Variants in FNTB observed in about 807,000 individuals in gnomAD.
FNTB encodes farnesyltransferase, CAAX box, subunit beta.
In FNTB, 27 loss-of-function variants were observed where a neutral mutation model predicts 59.4. The observed-to-expected ratio is 0.45, with a 90% CI of 0.34 to 0.63. FNTB has a LOEUF of 0.63. FNTB is among the 20% of genes least tolerant of loss of function. The pLI is 0.02. For synonymous variants in FNTB, 230 were observed against 220.7 expected, an observed-to-expected ratio of 1.04 and a Z score of -0.37; for missense variants, 449 against 559.6, an observed-to-expected ratio of 0.80 and a Z score of 1.99.
chr14:65,021,320 T>C (rs892544274), intron 4 of FNTB, among the ~76,000 whole-genome samples: 6 of 152,244 alleles, frequency 3.9e-5, no homozygotes, highest in African/African-American at 1.4e-4. Flanking sequence ...TTTCAGCTTG[T>C]AAGATTTTTC....
rs888646693 is a variant in FNTB at position 64,997,353 on chromosome 14, A to G, written c.145-6896A>G. 3.4e-4 allele frequency among the ~76,000 whole-genome samples: 52 copies of G among 152,154 alleles called. No homozygotes were observed. The highest frequency in any genetic ancestry group is 1.1e-3 in the African/African-American group (47 of 41,434). On this transcript the variant is annotated intron_variant, in intron 1 of 11. Coordinates refer to ENST00000246166, the MANE Select transcript of FNTB (RefSeq NM_002028.4). This position sits in a 1 kb window ranked among gnomAD's most constrained non-coding sequence, Gnocchi z 4.5. ...CACCCACAGGCTGACTCAGTGCCGGAGGACCATCTTCCTTCCACATCCCTA... is the reference window on the plus strand; with the variant it reads ...CACCCACAGGCTGACTCAGTGCCGGGGGACCATCTTCCTTCCACATCCCTA...
In FNTB at chr14:65,040,787, T is replaced by G; in HGVS notation, c.693-3T>G. On this transcript the variant is annotated splice_region_variant and splice_polypyrimidine_tract_variant and intron_variant, in intron 7 of 11. Coordinates refer to ENST00000246166, the MANE Select transcript of FNTB (RefSeq NM_002028.4). Reference sequence around the variant, plus strand: ...CATTCTGCTTTTCTCAATCTCTTCTTAGGTGTCAGAACTGGGAAGGTGGCA... The same window carrying G: ...CATTCTGCTTTTCTCAATCTCTTCTGAGGTGTCAGAACTGGGAAGGTGGCA... 6.2e-7 allele frequency: 1 copy of G among 1,612,532 alleles called. No homozygotes were observed. Among genetic ancestry groups the G allele is most frequent in the East Asian group, 2.2e-5 (1 of 44,876 alleles).
chr14:65,055,001 T>C (rs1330261627), intron 11 of FNTB, among the ~76,000 whole-genome samples: 1 of 152,234 alleles, frequency 6.6e-6, no homozygotes, highest in Non-Finnish European at 1.5e-5. Flanking sequence ...CGTGTCACTC[T>C]GAGGCTGTGA....
intron 7 of FNTB, among the ~76,000 whole-genome samples, chr14:65,035,298 G>T (rs1308333413): frequency 6.6e-6 from 1 of 152,166 alleles, no homozygotes; most frequent in Non-Finnish European, 1.5e-5. Context: ...CTAACTGCAT[G>T]CTGTTCTCTG....
At position 64,997,664 on chromosome 14, in the gene FNTB, A is replaced by C. The variant is rs968541247; in HGVS notation, c.145-6585A>C. On this transcript the variant is annotated intron_variant, in intron 1 of 11. Transcript: ENST00000246166. This position sits in a 1 kb window ranked among gnomAD's most constrained non-coding sequence, Gnocchi z 4.5. ...ACTTCAGGTTTAACTACAGTGTTCA[A>C]CTGAAACAAAGAAGGATGTTGGGGA... Among the ~76,000 whole-genome samples the C allele has an allele frequency of 6.6e-6, 1 of 152,216 alleles. No homozygotes were observed. The highest frequency in any genetic ancestry group is 1.5e-5 in the Non-Finnish European group (1 of 68,046).
At chr14:64,989,885 G>C (rs1317832566) in intron 1 of FNTB, among the ~76,000 whole-genome samples, 3 of 152,210 alleles carry the variant, frequency 2.0e-5, no homozygotes, top group Non-Finnish European at 4.4e-5. Flanking sequence ...AAACGCTGTG[G>C]AGAGTAACAC....
rs774166152 is a variant in FNTB, at chr14:64,986,915, G to A, written c.-39G>A. 1.5e-5 allele frequency: 24 copies of A among 1,611,980 alleles called. No homozygotes were observed. Among genetic ancestry groups the A allele is most frequent in the Non-Finnish European group, 2.0e-5 (24 of 1,178,306 alleles). ...GTTTCAATGCGCGTTGTTGCTTAAC[G>A]AAGCAGAGTCCTACACACTGTCTGC... On this transcript the variant is annotated 5_prime_UTR_variant, in exon 1 of 12. Coordinates refer to ENST00000246166, the MANE Select transcript of FNTB (RefSeq NM_002028.4).
intron 1 of FNTB, among the ~76,000 whole-genome samples, chr14:64,989,519 A>G (rs1456297677): frequency 9.4e-5 from 14 of 149,246 alleles, no homozygotes; most frequent in African/African-American, 3.2e-4. Flanking sequence ...TTAAGATGAA[A>G]GCTTTTCAAA....
rs141879646 is a variant in FNTB, at chr14:65,033,161, C to T, written c.692+465C>T. Among the ~76,000 whole-genome samples, 245 of 152,104 alleles carry T rather than the reference C, an allele frequency of 1.6e-3. 1 individual carries two copies. Among genetic ancestry groups the T allele is most frequent in the African/African-American group, 5.9e-3 (244 of 41,498 alleles). ...ATAGTTGCATCGGAATATAATGTAG[C>T]AGTGAAAATGAATGAACTAGAGTTA... On this transcript the variant is annotated intron_variant, in intron 7 of 11. Transcript: ENST00000246166.
chr14:64,992,863 G>A (rs1270523677), intron 1 of FNTB, among the ~76,000 whole-genome samples: 1 of 151,978 alleles, frequency 6.6e-6, no homozygotes, highest in Non-Finnish European at 1.5e-5. Context: ...TTTAAAGACA[G>A]GGTCTCACTC....
In FNTB at chr14:65,027,862, A is replaced by G; in HGVS notation, c.605+81A>G. 6.4e-7 allele frequency: 1 copy of G among 1,571,368 alleles called. No individual in the cohort carries two copies. ...ATTAGAGATGCCAAGCCTAAGGAAC[A>G]TCATGGGGAAGCTGCTGCTTTGTCC... On this transcript the variant is annotated intron_variant, in intron 6 of 11. Coordinates refer to ENST00000246166, the MANE Select transcript of FNTB (RefSeq NM_002028.4). This position sits in a 1 kb window ranked among gnomAD's most constrained non-coding sequence, Gnocchi z 5.7.
intron 4 of FNTB, among the ~76,000 whole-genome samples, chr14:65,020,448 GAGA>G (rs2061863913): frequency 6.7e-6 from 1 of 150,292 alleles, no homozygotes; most frequent in African/African-American, 2.4e-5. Flanking sequence ...TTTTTTTTTT[GAGA>G]GTCTCGCTCT....
At chr14:65,013,441 C>T (rs114107120) in intron 3 of FNTB, among the ~76,000 whole-genome samples, 2,983 of 152,152 alleles carry the variant, frequency 0.02, 63 homozygotes, top group African/African-American at 0.047. Context: ...TAGATTTGGC[C>T]TGTGGGCTAT....
At chr14:65,017,586 G>A (rs2061801521) in intron 4 of FNTB, among the ~76,000 whole-genome samples, 1 of 152,198 alleles carries the variant, frequency 6.6e-6, no homozygotes, top group Non-Finnish European at 1.5e-5. Flanking sequence ...AGGAAGAGAG[G>A]AGCCTTTAAA....
intron 4 of FNTB, among the ~76,000 whole-genome samples, chr14:65,019,284 C>T (rs1331700848): frequency 1.3e-5 from 2 of 151,860 alleles, no homozygotes; most frequent in Non-Finnish European, 2.9e-5. Flanking sequence ...GTCAGGAGTT[C>T]GAGACCAGTC....
rs1398666414 is a variant in FNTB at position 64,990,229 on chromosome 14, A to G, written c.144+3132A>G. ...GAGATGGAGAGCCACTTGGCTGTAT[A>G]CCTGCCATTTACTGCCCCAGATTCA... On this transcript the variant is annotated intron_variant, in intron 1 of 11. Coordinates refer to ENST00000246166, the MANE Select transcript of FNTB (RefSeq NM_002028.4). The surrounding 1 kb of genome is among the most constrained non-coding windows in gnomAD (Gnocchi z 5.2). 2.6e-5 allele frequency among the ~76,000 whole-genome samples: 4 copies of G among 152,168 alleles called. No homozygotes were observed. In the East Asian group the frequency reaches 7.7e-4, roughly 29 times the overall value.
In FNTB at chr14:65,044,486, T is replaced by G; in HGVS notation, c.955+43T>G. Reference sequence around the variant, plus strand: ...TTCACTTGGGGCTGGATGATTTCCCTCCACTACTCACAAAGTCTGGAAGCC... The same window carrying G: ...TTCACTTGGGGCTGGATGATTTCCCGCCACTACTCACAAAGTCTGGAAGCC... On this transcript the variant is annotated intron_variant, in intron 9 of 11. Coordinates refer to ENST00000246166, the MANE Select transcript of FNTB (RefSeq NM_002028.4). The surrounding 1 kb of genome is among the most constrained non-coding windows in gnomAD (Gnocchi z 5.5). 1.9e-6 allele frequency: 3 copies of G among 1,573,016 alleles called. No individual in the cohort carries two copies. The highest frequency in any genetic ancestry group is 2.4e-5 in the South Asian group (2 of 84,476).
intron 1 of FNTB, among the ~76,000 whole-genome samples, chr14:64,989,228 C>T (rs940229722): frequency 3.3e-5 from 5 of 150,154 alleles, no homozygotes; most frequent in Admixed American, 6.6e-5. Flanking sequence ...ATCACCTGAG[C>T]CCAAGAGACC....
intron 2 of FNTB, chr14:65,006,091 TCTCTA>T: frequency 6.4e-7 from 1 of 1,552,868 alleles, no homozygotes; most frequent in Non-Finnish European, 8.7e-7. Context: ...AGCAAGTCAG[TCTCTA>T]GGTACTTCTG....
Sources: allele counts gnomAD v4.1 joint callset (sites outside exome capture counted in the v4.1 genomes callset), GRCh38; gene constraint gnomAD v4.1.1; non-coding constraint Gnocchi (gnomAD v3.1); transcripts MANE v1.5; gene names NCBI Gene and HGNC (gene_info 2026-07-23, HGNC 2026-07-21).